The following DLC1 variants were observed in gnomAD, a reference collection of about 807,000 sequenced individuals.
DLC1 encodes the protein rho GTPase-activating protein 7.
A neutral mutation model predicts 140.3 loss-of-function variants in DLC1; 54 were observed. The ratio of observed to expected loss-of-function variants is 0.38; its 90% CI spans 0.31 to 0.48. DLC1 has a LOEUF of 0.48. Ranked by LOEUF, DLC1 falls within the 20% of genes least tolerant of loss-of-function variation. DLC1 has a pLI of 0.96. For synonymous variants in DLC1, 986 were observed against 728.1 expected, an observed-to-expected ratio of 1.35 and a Z score of -5.70; for missense variants, 2,536 against 1,907.0, an observed-to-expected ratio of 1.33 and a Z score of -6.14.
At chr8:13,496,511 C>G (rs927448241) in intron 2 of DLC1, among the ~76,000 whole-genome samples, 10 of 151,764 alleles carry the variant, frequency 6.6e-5, no homozygotes, top group Non-Finnish European at 1.3e-4. Context: ...GCCTATTTAG[C>G]CAGGATTTCA....
chr8:13,541,761 G>A (rs990457387), intron 1 of DLC1, among the ~76,000 whole-genome samples: 1 of 152,180 alleles, frequency 6.6e-6, no homozygotes, highest in Non-Finnish European at 1.5e-5. Flanking sequence ...GTGTTGGCCA[G>A]GATGATCTCG....
At chr8:13,249,774 T>C (rs147723492) in intron 5 of DLC1, among the ~76,000 whole-genome samples, 1 of 152,240 alleles carries the variant, frequency 6.6e-6, no homozygotes, top group African/African-American at 2.4e-5. Flanking sequence ...AACCACAACA[T>C]ACCATAAACC....
chr8:13,168,752 C>A (rs557651631), intron 5 of DLC1, among the ~76,000 whole-genome samples: 13 of 152,178 alleles, frequency 8.5e-5, no homozygotes, highest in Non-Finnish European at 1.6e-4. Context: ...CACATCAAAC[C>A]GATTATCGAC....
chr8:13,354,745 G>C (rs2117046834), intron 4 of DLC1, among the ~76,000 whole-genome samples: 1 of 147,712 alleles, frequency 6.8e-6, no homozygotes, highest in Middle Eastern at 3.8e-3. Flanking sequence ...AGGAGTTCAA[G>C]ACCAGCCTGA....
intron 2 of DLC1, among the ~76,000 whole-genome samples, chr8:13,416,084 C>G (rs1048706218): frequency 6.6e-6 from 1 of 152,182 alleles, no homozygotes; most frequent in African/African-American, 2.4e-5. Context: ...TTCTTTTTGA[C>G]TGTTCACATG....
At chr8:13,186,760 G>C (rs1826393960) in intron 5 of DLC1, among the ~76,000 whole-genome samples, 1 of 152,200 alleles carries the variant, frequency 6.6e-6, no homozygotes, top group East Asian at 1.9e-4. Flanking sequence ...CAGCTTTTCT[G>C]CTCTGGTTTC....
intron 1 of DLC1, among the ~76,000 whole-genome samples, chr8:13,526,151 C>A (rs1802915866): frequency 6.6e-6 from 1 of 152,150 alleles, no homozygotes; most frequent in South Asian, 2.1e-4. Flanking sequence ...TTTCTAAATT[C>A]TCTATTCCAT....
chr8:13,133,493 G>A, intron 5 of DLC1: 2 of 71,360 alleles, frequency 2.8e-5, no homozygotes, highest in Non-Finnish European at 4.2e-5. Context: ...CTCTAGCCCC[G>A]CCCCGCCCAG....
chr8:13,163,167 G>C (rs111424707), intron 5 of DLC1, among the ~76,000 whole-genome samples: 21 of 152,252 alleles, frequency 1.4e-4, no homozygotes, highest in African/African-American at 5.1e-4. Flanking sequence ...CTCATAGTCA[G>C]CAAGAGTCCA....
intron 5 of DLC1, among the ~76,000 whole-genome samples, chr8:13,170,354 T>C (rs989013007): frequency 2.0e-5 from 3 of 152,216 alleles, no homozygotes; most frequent in Admixed American, 6.5e-5. Flanking sequence ...TCATAGCAAC[T>C]AGAAATTAAT....
chr8:13,203,471 T>C lies in DLC1; in HGVS notation c.1349-87814A>G, dbSNP rs533799932. Among the ~76,000 whole-genome samples the C allele has an allele frequency of 7.9e-5, 12 of 152,288 alleles. No individual in the cohort carries two copies. In the South Asian group the frequency reaches 2.5e-3, roughly 32 times the overall value. ...GATGAGTATTTCTAACCCTGGAAAG[T>C]TACCAAAAATGAAATGAAGATTGAA... On this transcript the variant is annotated intron_variant, in intron 5 of 17. Transcript: ENST00000276297.
At chr8:13,147,861 G>A (rs957398643) in intron 5 of DLC1, among the ~76,000 whole-genome samples, 10 of 152,080 alleles carry the variant, frequency 6.6e-5, no homozygotes, top group African/African-American at 1.7e-4. Context: ...GGTGGCAGGC[G>A]CCTGTAGTTC....
At chr8:13,442,969 G>C (rs289629) in intron 2 of DLC1, among the ~76,000 whole-genome samples, 46,335 of 151,872 alleles carry the variant, frequency 0.31, 7,265 homozygotes, top group Middle Eastern at 0.36. Context: ...GTCCAACAAT[G>C]ATAGACTGGA....
chr8:13,388,268 C>G (rs1482339205), intron 4 of DLC1, among the ~76,000 whole-genome samples: 95 of 151,914 alleles, frequency 6.3e-4, no homozygotes, highest in Non-Finnish European at 7.4e-5. Context: ...GCTACCATTA[C>G]TTTTTCAGTG....
At chr8:13,389,401 C>T (rs73551574) in intron 4 of DLC1, among the ~76,000 whole-genome samples, 3,471 of 151,998 alleles carry the variant, frequency 0.023, 123 homozygotes, top group African/African-American at 0.078. Flanking sequence ...TACAAGGGCT[C>T]GCGGGTTGTT....
intron 1 of DLC1, among the ~76,000 whole-genome samples, chr8:13,502,118 C>T (rs894701080): frequency 6.6e-6 from 1 of 152,122 alleles, no homozygotes; most frequent in Non-Finnish European, 1.5e-5. Context: ...AAGAATTACA[C>T]AAAAATTTTG....
chr8:13,252,441 C>T (rs577315824), intron 5 of DLC1, among the ~76,000 whole-genome samples: 1 of 152,226 alleles, frequency 6.6e-6, no homozygotes, highest in South Asian at 2.1e-4. Context: ...TTAACATGAA[C>T]CATCAGTGCG....
intron 2 of DLC1, among the ~76,000 whole-genome samples, chr8:13,423,361 C>A (rs139701859): frequency 6.6e-6 from 1 of 152,066 alleles, no homozygotes; most frequent in African/African-American, 2.4e-5. Context: ...GGCATAGTAT[C>A]GCCCTTATTT....
intron 4 of DLC1, among the ~76,000 whole-genome samples, chr8:13,310,922 A>G (rs1027348767): frequency 6.6e-6 from 1 of 152,184 alleles, no homozygotes; most frequent in Admixed American, 6.5e-5. Context: ...AATTTTTACT[A>G]TATCCATGTA....
Sources: allele counts gnomAD v4.1 joint callset (sites outside exome capture counted in the v4.1 genomes callset), GRCh38; gene constraint gnomAD v4.1.1; transcripts MANE v1.5; gene names NCBI Gene and HGNC (gene_info 2026-07-23, HGNC 2026-07-21).